The following ADAMTS9 variants were observed in gnomAD, a reference collection of about 807,000 sequenced individuals.
The protein encoded by ADAMTS9 is A disintegrin and metalloproteinase with thrombospondin motifs 9.
A neutral mutation model predicts 257.1 loss-of-function variants in ADAMTS9; 107 were observed. That is an observed-to-expected ratio of 0.42 (90% CI 0.36 to 0.49). ADAMTS9 has a LOEUF of 0.49. Ranked by LOEUF, ADAMTS9 falls within the 20% of genes least tolerant of loss-of-function variation. The probability of loss-of-function intolerance (pLI) is 0.03; values close to 1 mark genes in which losing one functional copy is unlikely to be tolerated. For missense variants in ADAMTS9, 2,353 were observed against 2,469.1 expected, an observed-to-expected ratio of 0.95 and a Z score of 1.00; for synonymous variants, 982 against 880.9, an observed-to-expected ratio of 1.11 and a Z score of -2.03.
intron 10 of ADAMTS9, among the ~76,000 whole-genome samples, chr3:64,649,253 G>A (rs899562060): frequency 3.3e-5 from 5 of 152,146 alleles, no homozygotes; most frequent in African/African-American, 1.2e-4. Context: ...GAATCTAGAA[G>A]AGTCCCTATA....
intron 32 of ADAMTS9, among the ~76,000 whole-genome samples, chr3:64,546,286 G>T (rs896403151): frequency 6.6e-6 from 1 of 151,926 alleles, no homozygotes; most frequent in Non-Finnish European, 1.5e-5. Context: ...TTACTAGTTG[G>T]ATATTCCTAA....
At position 64,635,611 on chromosome 3, in the gene ADAMTS9, T is replaced by C. The variant is rs567125980; in HGVS notation, c.1857-1732A>G. On this transcript the variant is annotated intron_variant, in intron 12 of 39. Coordinates refer to ENST00000498707, the MANE Select transcript of ADAMTS9 (RefSeq NM_182920.2). ...GGCTAGGGAAGATGAGGTGCTTTTA[T>C]ACCAAGTGACAGGACGTTTAGAGAA... 7.3e-4 allele frequency among the ~76,000 whole-genome samples: 111 copies of C among 152,286 alleles called. 2 individuals carry two copies. Among genetic ancestry groups the C allele is most frequent in the African/African-American group, 2.4e-3 (99 of 41,558 alleles).
At chr3:64,654,548 A>G (rs1300667327) in intron 7 of ADAMTS9, 24 bp downstream of exon 7, 1 of 1,613,840 alleles carries the variant, frequency 6.2e-7, no homozygotes, top group African/African-American at 1.3e-5. Flanking sequence ...TTTTAGCCAT[A>G]GAAGATACGC....
chr3:64,654,969 T>C (rs1212002558), intron 6 of ADAMTS9, among the ~76,000 whole-genome samples: 1 of 152,182 alleles, frequency 6.6e-6, no homozygotes, highest in Non-Finnish European at 1.5e-5. Flanking sequence ...TACTTTCATT[T>C]AAGAGGACGT....
intron 11 of ADAMTS9, among the ~76,000 whole-genome samples, chr3:64,646,650 A>G (rs1700796180): frequency 6.6e-6 from 1 of 152,240 alleles, no homozygotes; most frequent in Non-Finnish European, 1.5e-5. Flanking sequence ...GTCAAATACA[A>G]AAGTATCTTC....
chr3:64,541,279 A>G (rs758153837), intron 35 of ADAMTS9, 41 bp downstream of exon 35: 6 of 1,613,842 alleles, frequency 3.7e-6, no homozygotes, highest in Admixed American at 1.7e-5. Flanking sequence ...ATTTCCAGGG[A>G]TCTCCAGGCC....
chr3:64,639,563 A>AC (rs1216374900), intron 12 of ADAMTS9, among the ~76,000 whole-genome samples: 4 of 104,326 alleles, frequency 3.8e-5, no homozygotes, highest in African/African-American at 2.0e-4. Flanking sequence ...ACAAAGTATT[A>AC]TTTTAAAAAA....
chr3:64,647,917 G>A (rs963135777), intron 11 of ADAMTS9, 23 bp downstream of exon 11: 1 of 1,606,098 alleles, frequency 6.2e-7, no homozygotes. Context: ...TAAGACAGAA[G>A]GACAGAACAG....
intron 30 of ADAMTS9, among the ~76,000 whole-genome samples, chr3:64,557,666 G>A (rs940432107): frequency 2.0e-5 from 3 of 152,162 alleles, no homozygotes; most frequent in Non-Finnish European, 4.4e-5. Context: ...TCACCATGTC[G>A]AATCATGTCA....
At chr3:64,605,645 T>C (rs1442736157) in intron 23 of ADAMTS9, among the ~76,000 whole-genome samples, 1 of 152,202 alleles carries the variant, frequency 6.6e-6, no homozygotes, top group Non-Finnish European at 1.5e-5. Flanking sequence ...CCGAGTGTTC[T>C]CTTTATGTAT....
At chr3:64,676,558 T>G (rs1024087720) in intron 3 of ADAMTS9, among the ~76,000 whole-genome samples, 3 of 152,200 alleles carry the variant, frequency 2.0e-5, no homozygotes, top group African/African-American at 7.2e-5. Flanking sequence ...TATTAGTTTA[T>G]CACCTGCTTG....
intron 24 of ADAMTS9, 45 bp from the exon 25 acceptor site, chr3:64,604,134 C>T (rs996692530): frequency 1.1e-5 from 18 of 1,609,318 alleles, no homozygotes; most frequent in Non-Finnish European, 1.5e-5. Context: ...CGTGGAATGG[C>T]TGCTTACTGG....
chr3:64,649,626 C>T lies in ADAMTS9; in HGVS notation c.1605+11G>A. On this transcript the variant is annotated intron_variant, in intron 10 of 39. Coordinates refer to ENST00000498707, the MANE Select transcript of ADAMTS9 (RefSeq NM_182920.2). Reference sequence around the variant, plus strand: ...AGTAGATGAGGGCAGAAGTGGCCCTCCTACACTTACCATATATGGGCACAC... The same window carrying T: ...AGTAGATGAGGGCAGAAGTGGCCCTTCTACACTTACCATATATGGGCACAC... 1.2e-6 allele frequency: 2 copies of T among 1,609,920 alleles called. No individual in the cohort carries two copies. Among genetic ancestry groups the T allele is most frequent in the Admixed American group, 3.4e-5 (2 of 59,570 alleles).
chr3:64,539,765 G>C (rs2083097033), intron 36 of ADAMTS9, among the ~76,000 whole-genome samples: 1 of 152,178 alleles, frequency 6.6e-6, no homozygotes, highest in Non-Finnish European at 1.5e-5. Context: ...CTGTTGCCTA[G>C]GCAGTATTAT....
intron 31 of ADAMTS9, among the ~76,000 whole-genome samples, chr3:64,548,981 C>T (rs1381910153): frequency 3.3e-5 from 5 of 152,234 alleles, no homozygotes; most frequent in Non-Finnish European, 5.9e-5. Context: ...CAGTCTAGCT[C>T]GGGCCTCCGC....
At chr3:64,597,901 C>T (rs1247138508) in intron 26 of ADAMTS9, among the ~76,000 whole-genome samples, 7 of 152,200 alleles carry the variant, frequency 4.6e-5, no homozygotes, top group South Asian at 4.1e-4. Flanking sequence ...GTATTTCTCA[C>T]GATTTATCAA....
At position 64,541,913 on chromosome 3, in the gene ADAMTS9, C is replaced by T. The variant is rs1183159910; in HGVS notation, c.5122G>A (p.Glu1708Lys). ...MQRSVQCLTNEDQPSHLCHTD... is the reference protein window; with the variant it reads ...MQRSVQCLTNKDQPSHLCHTD... ...TGGCATAAGTGGCTGGGTTGGTCCT[C>T]ATTGGTTAAACATTGCACAGATCTC... Residue 1708 changes from glutamate (E) to lysine (K), a missense_variant, in exon 33 of 40, where the codon GAG (glutamate) becomes AAG (lysine). By Grantham distance (56) the Glu-to-Lys change is moderately conservative. This residue lies in a region of ADAMTS9 where 1,402 missense variants were observed against 1,441.4 expected (regional missense o/e 0.97). Transcript: ENST00000498707. 1 of 1,614,158 alleles carries T rather than the reference C, an allele frequency of 6.2e-7. No homozygotes were observed. The highest frequency in any genetic ancestry group is 1.3e-5 in the African/African-American group (1 of 75,034).
chr3:64,644,060 A>G (rs564844790), intron 11 of ADAMTS9, among the ~76,000 whole-genome samples: 177 of 152,354 alleles, frequency 1.2e-3, no homozygotes, highest in Non-Finnish European at 2.0e-3. Flanking sequence ...TATTTGGAGT[A>G]TAACATGGGA....
chr3:64,516,454 G>A lies in ADAMTS9; in HGVS notation c.*673C>T, dbSNP rs1016354584. The A allele has an allele frequency of 1.3e-5, 2 of 152,608 alleles. No homozygotes were observed. The highest frequency in any genetic ancestry group is 6.6e-5 in the Admixed American group (1 of 15,266). 9.5% of individuals were successfully genotyped at this position (152,608 alleles called of 1,614,324 possible). The stretch of plus-strand genomic sequence containing the variant: ...TCTTATTTCATCCAAGTGATTCTGT[G>A]CACTGGAAATTGTCCTTCCGTTCCT... On this transcript the variant is annotated 3_prime_UTR_variant, in exon 40 of 40. Transcript: ENST00000498707.
Sources: gnomAD v4.1 joint callset for allele counts (sites outside exome capture counted in the v4.1 genomes callset) on GRCh38, gnomAD v4.1.1 for gene constraint, gnomAD v4.1.1 regional missense constraint, MANE v1.5 for transcripts, NCBI Gene and HGNC (gene_info 2026-07-23, HGNC 2026-07-21) for gene names.